Variants in SSH2 observed in about 807,000 individuals in gnomAD.
The protein encoded by SSH2 is protein phosphatase Slingshot homolog 2.
Under a neutral mutation model 135.2 loss-of-function variants are expected in SSH2, and 37 were observed. That is an observed-to-expected ratio of 0.27 (90% CI 0.21 to 0.36). The LOEUF is 0.36. Ranked by LOEUF, SSH2 falls within the 10% of genes least tolerant of loss-of-function variation. The pLI is 1.00. For missense variants in SSH2, 1,408 were observed against 1,765.3 expected (o/e 0.80, Z 3.63); for synonymous variants, 628 against 646.2 (o/e 0.97, Z 0.43).
chr17:29,842,179 C>A (rs1023027153), intron 2 of SSH2, among the ~76,000 whole-genome samples: 1 of 151,850 alleles, frequency 6.6e-6, no homozygotes, highest in Non-Finnish European at 1.5e-5. Context: ...CACAGCCAGG[C>A]GCAGTGGCTC....
chr17:29,771,485 C>T (rs2041585358), intron 3 of SSH2, among the ~76,000 whole-genome samples: 1 of 152,192 alleles, frequency 6.6e-6, no homozygotes, highest in South Asian at 2.1e-4. Context: ...AGAATCAGTA[C>T]ATTAATGATG....
Position 29,846,131 on chromosome 17 carries a change from T to C in SSH2, c.144+2718A>G, listed in dbSNP as rs2043130283. Among the ~76,000 whole-genome samples, 3 of 151,806 alleles carry C rather than the reference T, an allele frequency of 2.0e-5. No homozygotes were observed. The South Asian group carries it at 6.2e-4, about 32-fold the overall frequency. On this transcript the variant is annotated intron_variant, in intron 2 of 15. Coordinates refer to ENST00000540801, the MANE Select transcript of SSH2 (RefSeq NM_001282129.2). ...TTGGCTCACTGCAACCTCCACCTTC[T>C]GGGTTCAAGCAATTCTCCTGCCTTG... is the stretch of plus-strand genomic sequence containing the variant.
chr17:29,866,766 A>C (rs957950722), intron 1 of SSH2, among the ~76,000 whole-genome samples: 4 of 152,180 alleles, frequency 2.6e-5, no homozygotes, highest in Non-Finnish European at 5.9e-5. Context: ...ATTATTTTCC[A>C]TTTTGGGTTA....
At position 29,628,844 on chromosome 17, in the gene SSH2, C is replaced by T. The variant is rs181899723; in HGVS notation, c.*1997G>A. 1 of 152,362 alleles carries T rather than the reference C, an allele frequency of 6.6e-6. No homozygotes were observed. The highest frequency in any genetic ancestry group is 1.9e-4 in the East Asian group (1 of 5,186). 9.4% of individuals were successfully genotyped at this position (152,362 alleles called of 1,614,324 possible). On this transcript the variant is annotated 3_prime_UTR_variant, in exon 16 of 16. Coordinates refer to ENST00000540801, the MANE Select transcript of SSH2 (RefSeq NM_001282129.2). ...CCTGCTTCCTGGCAGGGATGTCAGA[C>T]CCAGCCTTGGCTTCCACACAACTTC...
intron 2 of SSH2, among the ~76,000 whole-genome samples, chr17:29,806,857 CAT>C (rs1289434054): frequency 6.6e-6 from 1 of 152,124 alleles, no homozygotes; most frequent in Non-Finnish European, 1.5e-5. Context: ...CTCTTTTGCC[CAT>C]ATATGTTTTC....
At chr17:29,667,621 C>G (rs994183036) in intron 9 of SSH2, among the ~76,000 whole-genome samples, 1 of 152,220 alleles carries the variant, frequency 6.6e-6, no homozygotes, top group African/African-American at 2.4e-5. Context: ...ACCATCCCCA[C>G]TCCACTGCTC....
intron 3 of SSH2, among the ~76,000 whole-genome samples, chr17:29,739,111 T>G (rs1046908451): frequency 1.3e-5 from 2 of 152,184 alleles, no homozygotes; most frequent in African/African-American, 2.4e-5. Context: ...ATACTCCCAA[T>G]TCTTACTGCA....
At chr17:29,929,878 T>G (rs1327688188) in intron 1 of SSH2, 60 bp downstream of exon 1, 3 of 1,492,352 alleles carry the variant, frequency 2.0e-6, no homozygotes, top group African/African-American at 1.4e-5. Flanking sequence ...CGGGACCCGC[T>G]GAGGCAAAGC....
chr17:29,715,871 G>A (rs1036359325), intron 3 of SSH2, among the ~76,000 whole-genome samples: 7 of 152,070 alleles, frequency 4.6e-5, no homozygotes, highest in South Asian at 2.1e-4. Flanking sequence ...TTGACTCAGC[G>A]GGGCACTTAA....
intron 2 of SSH2, among the ~76,000 whole-genome samples, chr17:29,848,046 C>T (rs902830413): frequency 5.3e-5 from 8 of 152,182 alleles, no homozygotes; most frequent in African/African-American, 1.9e-4. Flanking sequence ...TGCTGTCTAA[C>T]ACCACAGGTT....
chr17:29,691,741 C>T (rs1375280709), intron 5 of SSH2, among the ~76,000 whole-genome samples: 5 of 151,900 alleles, frequency 3.3e-5, no homozygotes, highest in Admixed American at 6.6e-5. Flanking sequence ...CCACCCGCCT[C>T]GGCCTCCCAA....
intron 14 of SSH2, chr17:29,643,216 G>A (rs1195440413): frequency 2.0e-6 from 2 of 985,074 alleles, no homozygotes; most frequent in African/African-American, 1.7e-5. Context: ...CGAGTCTGCT[G>A]GGCCTATTCA....
rs2035592102 is a variant in SSH2 at position 29,629,586 on chromosome 17, C to A, written c.*1255G>T. ...TGTGTTTTCCAGTTGCAACTCTACTCCTTCTTAAAAAGAATAAATCAAAAT... is the reference window on the plus strand; with the variant it reads ...TGTGTTTTCCAGTTGCAACTCTACTACTTCTTAAAAAGAATAAATCAAAAT... On this transcript the variant is annotated 3_prime_UTR_variant, in exon 16 of 16. Coordinates refer to ENST00000540801, the MANE Select transcript of SSH2 (RefSeq NM_001282129.2). 6.6e-6 allele frequency: 1 copy of A among 152,588 alleles called. No homozygotes were observed. Among genetic ancestry groups the A allele is most frequent in the South Asian group, 2.1e-4 (1 of 4,824 alleles). The allele number at this position is 152,588 out of a possible 1,614,324, so 9.5% of individuals were successfully genotyped here.
At chr17:29,857,973 G>C (rs979945962) in intron 1 of SSH2, among the ~76,000 whole-genome samples, 3 of 152,120 alleles carry the variant, frequency 2.0e-5, no homozygotes, top group Admixed American at 1.3e-4. Flanking sequence ...CATGTAAGTG[G>C]AATCATACAC....
intron 15 of SSH2, among the ~76,000 whole-genome samples, chr17:29,635,192 G>A (rs570924793): frequency 3.9e-5 from 6 of 152,168 alleles, no homozygotes; most frequent in Admixed American, 2.0e-4. Flanking sequence ...GTGAGCCACC[G>A]CGCCCGGCCA....
chr17:29,716,250 G>T, intron 3 of SSH2: 1 of 336,472 alleles, frequency 3.0e-6, no homozygotes, highest in Non-Finnish European at 5.6e-6. Context: ...TTGATCCTGT[G>T]TTCTAAGTTC....
rs200752788 is a variant in SSH2 at position 29,733,910 on chromosome 17, CTTTTTT to C, written c.189-30854_189-30849del. Among the ~76,000 whole-genome samples the C allele has an allele frequency of 1.3e-3, 176 of 130,482 alleles. No homozygotes were observed. In the Middle Eastern group the frequency reaches 0.024, roughly 18 times the overall value. The allele number at this position is 130,482 out of a possible 152,430, so 85.6% of individuals were successfully genotyped here. On this transcript the variant is annotated intron_variant, in intron 3 of 15. Coordinates refer to ENST00000540801, the MANE Select transcript of SSH2 (RefSeq NM_001282129.2). ...CCTTTACAGGGTGTTTAATTTCTTTCTTTTTTTTTTTTTTTTTTGAGATGGAGTCTC... is the reference window on the plus strand; with the variant it reads ...CCTTTACAGGGTGTTTAATTTCTTTCTTTTTTTTTTTTGAGATGGAGTCTC...
chr17:29,779,937 C>T (rs1158194177), intron 3 of SSH2, among the ~76,000 whole-genome samples: 1 of 150,094 alleles, frequency 6.7e-6, no homozygotes, highest in African/African-American at 2.5e-5. Flanking sequence ...AAAAAAACAA[C>T]TCTGGCCGGG....
intron 3 of SSH2, among the ~76,000 whole-genome samples, chr17:29,724,613 CAG>C (rs1459598780): frequency 9.7e-6 from 1 of 103,528 alleles, no homozygotes; most frequent in Non-Finnish European, 1.8e-5. Flanking sequence ...TTCAAAGAGA[CAG>C]AGTCTCGCTC....
Sources: allele counts gnomAD v4.1 joint callset (sites outside exome capture counted in the v4.1 genomes callset), GRCh38; gene constraint gnomAD v4.1.1; transcripts MANE v1.5; gene names NCBI Gene and HGNC (gene_info 2026-07-23, HGNC 2026-07-21).